Variants in ARHGAP9 observed in about 807,000 individuals in gnomAD.
ARHGAP9 encodes Rho GTPase activating protein 9.
In ARHGAP9, 76 loss-of-function variants were observed where a neutral mutation model predicts 87.3. That is an observed-to-expected ratio of 0.87 (90% CI 0.72 to 1.05). The LOEUF is 1.05. Among genes scored for constraint, ARHGAP9 ranks in the 50% least tolerant of loss-of-function variants. The probability of loss-of-function intolerance (pLI) is 0.00; values close to 1 mark genes in which losing one functional copy is unlikely to be tolerated. For synonymous variants in ARHGAP9, 382 were observed against 394.9 expected, an observed-to-expected ratio of 0.97 and a Z score of 0.39; for missense variants, 941 against 960.5, an observed-to-expected ratio of 0.98 and a Z score of 0.27.
In ARHGAP9 at chr12:57,477,374, C is replaced by T. The variant is rs776230346; in HGVS notation, c.756+85G>A. The T allele has an allele frequency of 1.7e-4, 267 of 1,542,146 alleles. 1 individual carries two copies. Among genetic ancestry groups the T allele is most frequent in the Admixed American group, 5.0e-4 (27 of 54,366 alleles). ...GATTCTTCTGATCTTCTGAGAGCCC[C>T]GGAGAGAAAACACACTACCTTGAGG... On this transcript the variant is annotated intron_variant, in intron 4 of 17. Transcript: ENST00000393791.
At chr12:57,488,374 T>A in intron 1 of ARHGAP9, 7 of 724,060 alleles carry the variant, frequency 9.7e-6, no homozygotes, top group Non-Finnish European at 1.6e-5. Context: ...ATCTTTCACT[T>A]CCTTTAATTA....
In ARHGAP9 at chr12:57,475,401, G is replaced by A; in HGVS notation, c.1445-3C>T. The A allele has an allele frequency of 6.3e-7, 1 of 1,591,554 alleles. No homozygotes were observed. Among genetic ancestry groups the A allele is most frequent in the Non-Finnish European group, 8.6e-7 (1 of 1,169,040 alleles). On this transcript the variant is annotated splice_region_variant and splice_polypyrimidine_tract_variant and intron_variant, in intron 11 of 17. Transcript: ENST00000393791. The stretch of plus-strand genomic sequence containing the variant: ...CTCGGTGCCTTCGGGCCCCCGAACT[G>A]CAGGAGGCAGGTAGAGCGGGGCGTG...
chr12:57,472,718 A>G (rs758808379), intron 17 of ARHGAP9, 30 bp from the exon 18 acceptor site: 24 of 1,612,136 alleles, frequency 1.5e-5, no homozygotes, highest in Non-Finnish European at 2.0e-5. Context: ...AAGGGGATAT[A>G]TGGCAGCAGC....
In ARHGAP9 at chr12:57,475,273, C is replaced by T; in HGVS notation, c.1552+18G>A. 1.9e-6 allele frequency: 3 copies of T among 1,567,996 alleles called. No individual in the cohort carries two copies. The highest frequency in any genetic ancestry group is 2.3e-5 in the East Asian group (1 of 43,286). On this transcript the variant is annotated intron_variant, in intron 12 of 17. Transcript: ENST00000393791. ...CGCTGGAGTTTTCTTATCCATGAAC[C>T]TGGCCCAGCCCCCTCACCTCGGAGC...
upstream of ARHGAP9, chr12:57,483,885 C>T (rs1875204232): frequency 2.2e-6 from 1 of 453,610 alleles, no homozygotes; most frequent in Non-Finnish European, 4.4e-6. Context: ...ACTAAAAATA[C>T]AAAACTTACC....
chr12:57,477,009 G>C, intron 5 of ARHGAP9, 46 bp from the exon 6 acceptor site: 1 of 1,598,374 alleles, frequency 6.3e-7, no homozygotes, highest in Non-Finnish European at 8.6e-7. Context: ...GCTCGACTCA[G>C]GGATCCCTGG....
chr12:57,481,540 C>T (rs939965963), upstream of ARHGAP9, among the ~76,000 whole-genome samples: 1 of 152,106 alleles, frequency 6.6e-6, no homozygotes, highest in Non-Finnish European at 1.5e-5. Flanking sequence ...CGTAAGCCAC[C>T]GAGTCCAGCC....
At chr12:57,477,988 G>A in intron 3 of ARHGAP9, 1 of 1,205,566 alleles carries the variant, frequency 8.3e-7, no homozygotes, top group Non-Finnish European at 1.0e-6. Context: ...GAATGTTGAA[G>A]GGGGTGCCCC....
chr12:57,472,736 T>G (rs1197935384), intron 17 of ARHGAP9, 48 bp from the exon 18 acceptor site: 1 of 1,590,920 alleles, frequency 6.3e-7, no homozygotes, highest in Non-Finnish European at 8.6e-7. Context: ...AGCTTGCCAC[T>G]TCATAGCAAT....
rs1013964948 is a variant in ARHGAP9 at position 57,474,080 on chromosome 12, A to G, written c.1880T>C (p.Val627Ala). Residue 627 changes from valine to alanine, a missense_variant, in exon 16 of 18, where the codon GTG becomes GCG. Transcript: ENST00000393791. ...LFLRELPQPLVPPLLLPHFRA... is the reference protein window; with the variant it reads ...LFLRELPQPLAPPLLLPHFRA... The stretch of plus-strand genomic sequence containing the variant: ...GAAATGGGGCAGCAGCAGTGGTGGC[A>G]CCAGAGGCTGGGGCAGCTCCCGGAG... 2.5e-6 allele frequency: 4 copies of G among 1,613,978 alleles called. No individual in the cohort carries two copies. In the African/African-American group the frequency reaches 4.0e-5, roughly 16 times the overall value.
At chr12:57,479,595 G>A in intron 1 of ARHGAP9, 135 bp downstream of exon 1, 2 of 1,530,260 alleles carry the variant, frequency 1.3e-6, no homozygotes, top group Non-Finnish European at 1.8e-6. Context: ...GGTTTTGGGG[G>A]CTGAGAACTC....
chr12:57,473,979 A>C lies in ARHGAP9; in HGVS notation c.1918+63T>G, dbSNP rs577394658. ...GAAAGAAGAGTATAAGGGAACCTCT[A>C]TTCTATTATTTACCACCCGTGTCCC... On this transcript the variant is annotated intron_variant, in intron 16 of 17. Coordinates refer to ENST00000393791, the MANE Select transcript of ARHGAP9 (RefSeq NM_032496.4). 4 of 1,541,802 alleles carry C rather than the reference A, an allele frequency of 2.6e-6. No homozygotes were observed. In the African/African-American group the frequency reaches 5.5e-5, roughly 21 times the overall value.
intron 14 of ARHGAP9, 58 bp from the exon 15 acceptor site, chr12:57,474,534 C>T (rs1238328607): frequency 1.9e-6 from 3 of 1,613,360 alleles, no homozygotes; most frequent in Non-Finnish European, 8.5e-7. Context: ...GCCTGACGGC[C>T]TCTCTATTCT....
At chr12:57,486,610 G>A (rs1433693778) in intron 1 of ARHGAP9, among the ~76,000 whole-genome samples, 1 of 7,870 alleles carries the variant, frequency 1.3e-4, no homozygotes, top group Non-Finnish European at 3.1e-4. Flanking sequence ...ATGTTTGGCC[G>A]GGCGCGGCTG....
At chr12:57,486,913 T>C (rs1259165043) in intron 1 of ARHGAP9, among the ~76,000 whole-genome samples, 1 of 150,958 alleles carries the variant, frequency 6.6e-6, no homozygotes, top group African/African-American at 2.4e-5. Flanking sequence ...AGAGATGCTC[T>C]TCTACCCCTT....
At chr12:57,484,382 T>C (rs1207773783), upstream of ARHGAP9, among the ~76,000 whole-genome samples, 1 of 151,820 alleles carries the variant, frequency 6.6e-6, no homozygotes, top group Non-Finnish European at 1.5e-5. Flanking sequence ...TTTCACCCAT[T>C]AGAGGGGCCC....
intron 7 of ARHGAP9, 60 bp downstream of exon 7, chr12:57,476,530 C>T (rs1221575704): frequency 7.4e-6 from 12 of 1,612,982 alleles, no homozygotes; most frequent in Non-Finnish European, 1.0e-5. Flanking sequence ...GCTCTTCCAA[C>T]ACCCTGCTCT....
chr12:57,482,321 A>G (rs991122354), upstream of ARHGAP9, among the ~76,000 whole-genome samples: 4 of 151,378 alleles, frequency 2.6e-5, no homozygotes, highest in Admixed American at 6.6e-5. Context: ...GCTCACTGCA[A>G]CCTCCGCCTC....
chr12:57,474,282 C>A (rs1488431018), intron 15 of ARHGAP9, 106 bp from the exon 16 acceptor site: 9 of 1,578,884 alleles, frequency 5.7e-6, no homozygotes, highest in Non-Finnish European at 6.1e-6. Flanking sequence ...TATAGGAATG[C>A]CTAGAGGGTC....
Sources: gnomAD v4.1 joint callset for allele counts (sites outside exome capture counted in the v4.1 genomes callset) on GRCh38, gnomAD v4.1.1 for gene constraint, MANE v1.5 for transcripts, NCBI Gene and HGNC (gene_info 2026-07-23, HGNC 2026-07-21) for gene names.